The following NEDD9 variants were observed in gnomAD, a reference collection of about 807,000 sequenced individuals.
NEDD9 encodes the protein enhancer of filamentation 1.
NEDD9 carries 26 observed loss-of-function variants against 76.6 expected under a neutral mutation model. The ratio of observed to expected loss-of-function variants is 0.34; its 90% confidence interval spans 0.25 to 0.47. NEDD9 has a LOEUF of 0.47. Among genes scored for constraint, NEDD9 ranks in the 20% least tolerant of loss-of-function variants. The pLI is 1.00. For missense variants in NEDD9, 937 were observed against 1,058.5 expected (o/e 0.89, Z 1.59); for synonymous variants, 392 against 414.2 (o/e 0.95, Z 0.65).
At chr6:11,288,591 T>A (rs1037178023) in intron 3 of NEDD9, among the ~76,000 whole-genome samples, 3 of 152,232 alleles carry the variant, frequency 2.0e-5, no homozygotes, top group African/African-American at 7.2e-5. Context: ...CTGCCAAGAC[T>A]ATGTTTTTCT....
At chr6:11,281,393 G>T (rs1045622669) in intron 3 of NEDD9, among the ~76,000 whole-genome samples, 2 of 152,214 alleles carry the variant, frequency 1.3e-5, no homozygotes, top group Non-Finnish European at 2.9e-5. Context: ...TATGCAGGAG[G>T]TTGCTGGTAA....
At chr6:11,234,173 C>T (rs1455722140), upstream of NEDD9, among the ~76,000 whole-genome samples, 2 of 152,158 alleles carry the variant, frequency 1.3e-5, no homozygotes, top group African/African-American at 2.4e-5. Context: ...CAAAAATAAG[C>T]CTGAGTGATT....
chr6:11,290,338 C>T (rs915883706), intron 3 of NEDD9, among the ~76,000 whole-genome samples: 9 of 152,228 alleles, frequency 5.9e-5, no homozygotes, highest in Admixed American at 2.0e-4. Flanking sequence ...CTTTTAAGCT[C>T]TCTTGACAGA....
intron 6 of NEDD9, among the ~76,000 whole-genome samples, chr6:11,186,263 C>T (rs1185268808): frequency 6.6e-6 from 1 of 151,938 alleles, no homozygotes; most frequent in African/African-American, 2.4e-5. Flanking sequence ...TATATGAGCA[C>T]TTAAGGAAAA....
At chr6:11,306,211 G>T in intron 2 of NEDD9, 1 of 611,108 alleles carries the variant, frequency 1.6e-6, no homozygotes, top group Non-Finnish European at 2.9e-6. Context: ...AAATTGAGAT[G>T]CTTTTCATCA....
chr6:11,322,339 AAAAAAG>A (rs1219307132), intron 2 of NEDD9, among the ~76,000 whole-genome samples: 1 of 152,180 alleles, frequency 6.6e-6, no homozygotes, highest in East Asian at 1.9e-4. Flanking sequence ...AACTTAAAAA[AAAAAAG>A]AAATGCTTTG....
chr6:11,210,550 G>C (rs1032953408), intron 2 of NEDD9, among the ~76,000 whole-genome samples: 42 of 152,286 alleles, frequency 2.8e-4, no homozygotes, highest in African/African-American at 9.9e-4. Flanking sequence ...TCCCCAGTGT[G>C]CTGGGATTAT....
intron 1 of NEDD9, among the ~76,000 whole-genome samples, chr6:11,375,196 C>G (rs1647730716): frequency 6.6e-6 from 1 of 152,204 alleles, no homozygotes; most frequent in Non-Finnish European, 1.5e-5. Context: ...GGATACTATA[C>G]AGCTGTGAAA....
At chr6:11,245,744 T>A (rs1244988162) in intron 3 of NEDD9, among the ~76,000 whole-genome samples, 1 of 152,244 alleles carries the variant, frequency 6.6e-6, no homozygotes, top group Non-Finnish European at 1.5e-5. Context: ...CTACATTTGA[T>A]TTGTGGAAAT....
At chr6:11,380,575 A>G (rs1163926511) in intron 1 of NEDD9, among the ~76,000 whole-genome samples, 1 of 152,262 alleles carries the variant, frequency 6.6e-6, no homozygotes, top group Non-Finnish European at 1.5e-5. Context: ...CAGCTCAGTC[A>G]CAGTGAGGCC....
intron 1 of NEDD9, among the ~76,000 whole-genome samples, chr6:11,380,941 C>T (rs1457198870): frequency 2.6e-5 from 4 of 152,088 alleles, no homozygotes; most frequent in East Asian, 1.9e-4. Flanking sequence ...CCTGCATAGC[C>T]GGGACTATAG....
At chr6:11,266,591 C>T (rs1454899959) in intron 3 of NEDD9, among the ~76,000 whole-genome samples, 1 of 152,062 alleles carries the variant, frequency 6.6e-6, no homozygotes, top group Non-Finnish European at 1.5e-5. Flanking sequence ...GAATTTTTAG[C>T]CAGGTGTATT....
At chr6:11,332,914 G>A (rs769537221) in intron 2 of NEDD9, among the ~76,000 whole-genome samples, 2 of 152,124 alleles carry the variant, frequency 1.3e-5, no homozygotes, top group African/African-American at 2.4e-5. Context: ...GCATAGAAGC[G>A]GTTAATAGTC....
At chr6:11,294,662 T>C (rs574744039) in intron 3 of NEDD9, among the ~76,000 whole-genome samples, 3 of 152,218 alleles carry the variant, frequency 2.0e-5, no homozygotes, top group Non-Finnish European at 2.9e-5. Flanking sequence ...CGAACTAATA[T>C]ATCAGTTTAC....
intron 3 of NEDD9, among the ~76,000 whole-genome samples, chr6:11,292,777 A>C (rs1760805550): frequency 6.6e-6 from 1 of 152,236 alleles, no homozygotes; most frequent in Non-Finnish European, 1.5e-5. Context: ...GTACATCCAC[A>C]GAACTCATGA....
At chr6:11,363,519 C>T (rs943681539) in intron 1 of NEDD9, among the ~76,000 whole-genome samples, 3 of 152,052 alleles carry the variant, frequency 2.0e-5, no homozygotes, top group African/African-American at 7.2e-5. Context: ...CATTAAGTAC[C>T]AGACCATAAA....
intron 3 of NEDD9, among the ~76,000 whole-genome samples, chr6:11,277,787 G>A (rs772981140): frequency 7.2e-5 from 11 of 152,178 alleles, no homozygotes; most frequent in South Asian, 2.1e-4. Flanking sequence ...GTTGTGTAGC[G>A]TTCACCCACT....
intron 2 of NEDD9, among the ~76,000 whole-genome samples, chr6:11,317,643 T>C (rs190523396): frequency 2.4e-4 from 36 of 152,254 alleles, no homozygotes; most frequent in Non-Finnish European, 4.0e-4. Context: ...TGGGTTGACT[T>C]GTGAATGAGA....
At chr6:11,292,896 G>A (rs1760807344) in intron 3 of NEDD9, among the ~76,000 whole-genome samples, 3 of 152,122 alleles carry the variant, frequency 2.0e-5, no homozygotes, top group Non-Finnish European at 4.4e-5. Context: ...AGGGCTTCAT[G>A]ATTTTCTGGG....
Sources: allele counts gnomAD v4.1 joint callset (sites outside exome capture counted in the v4.1 genomes callset), GRCh38; gene constraint gnomAD v4.1.1; transcripts MANE v1.5; gene names NCBI Gene and HGNC (gene_info 2026-07-23, HGNC 2026-07-21).